The following BCL9 variants were observed in gnomAD, a reference collection of about 807,000 sequenced individuals.
BCL9 encodes B-cell CLL/lymphoma 9 protein.
BCL9 carries 25 observed loss-of-function variants against 88.5 expected under a neutral mutation model. The ratio of observed to expected loss-of-function variants is 0.28; its 90% CI spans 0.21 to 0.39. The LOEUF is 0.39. BCL9 is among the 10% of genes least tolerant of loss of function. The probability of loss-of-function intolerance (pLI) is 1.00; values close to 1 mark genes in which losing one functional copy is unlikely to be tolerated. For missense variants in BCL9, 1,817 were observed against 1,877.8 expected (o/e 0.97, Z 0.60); for synonymous variants, 711 against 673.3 (o/e 1.06, Z -0.87).
intron 1 of BCL9, among the ~76,000 whole-genome samples, chr1:147,579,866 C>T (rs979756112): frequency 2.6e-5 from 4 of 152,186 alleles, no homozygotes; most frequent in Non-Finnish European, 4.4e-5. Context: ...AGTCTACCCA[C>T]CTTCCTGACT....
At chr1:147,549,757 C>G (rs587670021) in intron 1 of BCL9, among the ~76,000 whole-genome samples, 8 of 152,296 alleles carry the variant, frequency 5.3e-5, no homozygotes, top group Admixed American at 1.3e-4. Context: ...ACTCGGAAAC[C>G]TTTTAGGTGC....
intron 1 of BCL9, among the ~76,000 whole-genome samples, chr1:147,584,767 G>A: frequency 6.6e-6 from 1 of 152,218 alleles, no homozygotes; most frequent in East Asian, 1.9e-4. Flanking sequence ...CAGGAATGCA[G>A]TAGAAGTTTA....
intron 8 of BCL9, 145 bp downstream of exon 8, chr1:147,621,202 A>G (rs1373933777): frequency 2.2e-6 from 2 of 920,886 alleles, no homozygotes; most frequent in Admixed American, 2.9e-5. Flanking sequence ...CAAGGTGCAT[A>G]ATCAGTGCTT....
intron 1 of BCL9, among the ~76,000 whole-genome samples, chr1:147,548,470 A>G (rs1445037508): frequency 6.6e-6 from 1 of 152,150 alleles, no homozygotes; most frequent in East Asian, 1.9e-4. Flanking sequence ...TCTTCTGGGA[A>G]GTTTCCTGGA....
intron 1 of BCL9, among the ~76,000 whole-genome samples, chr1:147,582,315 T>G (rs1262696803): frequency 2.0e-5 from 3 of 152,250 alleles, no homozygotes; most frequent in Non-Finnish European, 2.9e-5. Flanking sequence ...TTGTATAAAT[T>G]TCTGTCCAAG....
rs782154836 is a variant in BCL9, at chr1:147,623,870, A to G, written c.3192A>G (p.Arg1064=). The change falls in exon 10 of 10, where the codon CGA becomes CGG. Residue 1064 remains arginine (R), a synonymous_variant. Transcript: ENST00000234739. The stretch of plus-strand genomic sequence containing the variant: ...TGGGCATTAATACACAGAATCCTCG[A>G]ATTTCAGGTCCAAACCCCGTGGTTC... ...PGMGINTQNP[R]ISGPNPVVPM... 2 of 1,613,762 alleles carry G rather than the reference A, an allele frequency of 1.2e-6. No individual in the cohort carries two copies. Among genetic ancestry groups the G allele is most frequent in the African/African-American group, 2.7e-5 (2 of 74,892 alleles).
In BCL9 at chr1:147,611,622, G is replaced by C; in HGVS notation, c.-215G>C. ...ATTTTCCTCTGGCAGCAGGAGGCAC[G>C]CACCCAGAGAATGCTGGAGCTGCAA... On this transcript the variant is annotated 5_prime_UTR_variant, in exon 4 of 10. Transcript: ENST00000234739. The C allele has an allele frequency of 1.8e-6, 1 of 565,162 alleles. No individual in the cohort carries two copies. Among genetic ancestry groups the C allele is most frequent in the Non-Finnish European group, 3.2e-6 (1 of 311,106 alleles). The allele number at this position is 565,162 out of a possible 1,614,324, so 35.0% of individuals were successfully genotyped here.
In BCL9 at chr1:147,622,159, T is replaced by C. The variant is rs141247767; in HGVS notation, c.2903-112T>C. ...TTGTGTCTGGGATCTAATAACACTG[T>C]CCTGTTCATCTGTCTCATTCCTGGC... is the stretch of plus-strand genomic sequence containing the variant. On this transcript the variant is annotated intron_variant, in intron 8 of 9. Transcript: ENST00000234739. The C allele has an allele frequency of 7.8e-3, 10,914 of 1,399,560 alleles. 80 individuals carry two copies. The highest frequency in any genetic ancestry group is 0.013 in the Middle Eastern group (53 of 4,094). The allele number at this position is 1,399,560 out of a possible 1,614,324, so 86.7% of individuals were successfully genotyped here. A position where few individuals can be genotyped will look rare whatever the true frequency, so the allele number is the denominator to read the frequency against.
chr1:147,618,928 C>T lies in BCL9; in HGVS notation c.773C>T (p.Pro258Leu), dbSNP rs1269095299. The T allele has an allele frequency of 3.1e-6, 5 of 1,613,882 alleles. No homozygotes were observed. Among genetic ancestry groups the T allele is most frequent in the South Asian group, 1.1e-5 (1 of 91,072 alleles). Residue 258 changes from proline (P) to leucine (L), a missense_variant, in exon 8 of 10, where the codon CCA (proline) becomes CTA (leucine). Around this residue, in one of 2 missense-constraint regions of BCL9, gnomAD observed 1,228 missense variants for 1,191.6 expected, o/e 1.03. Transcript: ENST00000234739. ...SSQNTRLQPTPPIPAPAPKPA... is the reference protein window; with the variant it reads ...SSQNTRLQPTLPIPAPAPKPA... ...CAGAATACCAGACTGCAGCCAACTC[C>T]ACCCATTCCGGCACCAGCACCCAAG...
rs936262825 is a variant in BCL9, at chr1:147,575,068, T to C, written c.-477-29709T>C. On this transcript the variant is annotated intron_variant, in intron 1 of 9. Coordinates refer to ENST00000234739, the MANE Select transcript of BCL9 (RefSeq NM_004326.4). ...AAAAGACGAATAATAATAGCTACTG[T>C]TTATTGAGCATTTACTATGTGCTGG... Among the ~76,000 whole-genome samples the C allele has an allele frequency of 3.3e-5, 5 of 150,562 alleles. No homozygotes were observed. The East Asian group carries it at 9.6e-4, about 29-fold the overall frequency.
chr1:147,616,308 G>GACAC (rs2101615140), intron 7 of BCL9, among the ~76,000 whole-genome samples: 1 of 152,300 alleles, frequency 6.6e-6, no homozygotes. Context: ...AGTACATGAT[G>GACAC]ACAGTATCAT....
rs1570923052 is a variant in BCL9 at position 147,622,581 on chromosome 1, A to G, written c.3163+50A>G. ...TGGAGTGAGTGCTAGACCAAAGAGA[A>G]ACCTCTTGAAGCGTTTTCTCAATGG... On this transcript the variant is annotated intron_variant, in intron 9 of 9. Transcript: ENST00000234739. 1.2e-5 allele frequency: 19 copies of G among 1,605,526 alleles called. No individual in the cohort carries two copies. The East Asian group carries it at 4.2e-4, about 36-fold the overall frequency.
chr1:147,590,397 C>T (rs587644338), intron 1 of BCL9, among the ~76,000 whole-genome samples: 11 of 152,308 alleles, frequency 7.2e-5, no homozygotes, highest in African/African-American at 2.4e-4. Context: ...TTTACATTGC[C>T]CTACCTGGAT....
intron 1 of BCL9, among the ~76,000 whole-genome samples, chr1:147,543,025 C>T (rs898877372): frequency 2.6e-5 from 4 of 152,112 alleles, no homozygotes; most frequent in Admixed American, 6.6e-5. Flanking sequence ...GCTGTTTACT[C>T]GCCGGTGGTT....
chr1:147,583,081 A>C lies in BCL9; in HGVS notation c.-477-21696A>C, dbSNP rs1656439925. On this transcript the variant is annotated intron_variant, in intron 1 of 9. Transcript: ENST00000234739. ...GATGAGTTTTTCCATAAGTTCATGT[A>C]AATTTTTTTGTATTCACATTCTGTG... is the stretch of plus-strand genomic sequence containing the variant. Among the ~76,000 whole-genome samples, 2 of 152,190 alleles carry C rather than the reference A, an allele frequency of 1.3e-5. 1 individual carries two copies. The highest frequency in any genetic ancestry group is 4.1e-4 in the South Asian group (2 of 4,828).
intron 1 of BCL9, among the ~76,000 whole-genome samples, chr1:147,586,835 T>G (rs1185108021): frequency 6.6e-6 from 1 of 152,162 alleles, no homozygotes; most frequent in Non-Finnish European, 1.5e-5. Flanking sequence ...ATTTTCTGAT[T>G]GTTCCAAATG....
chr1:147,608,766 G>A (rs587652989), intron 3 of BCL9, among the ~76,000 whole-genome samples: 57 of 152,268 alleles, frequency 3.7e-4, no homozygotes, highest in African/African-American at 1.1e-3. Flanking sequence ...TAACACTGGA[G>A]TGCTTACATT....
chr1:147,583,951 CTG>C (rs1231749258), intron 1 of BCL9, among the ~76,000 whole-genome samples: 1 of 152,022 alleles, frequency 6.6e-6, no homozygotes, highest in Non-Finnish European at 1.5e-5. Flanking sequence ...GAGCGAGACT[CTG>C]TCTCAAAAAA....
intron 3 of BCL9, among the ~76,000 whole-genome samples, chr1:147,609,989 G>A (rs1432379276): frequency 6.6e-6 from 1 of 152,154 alleles, no homozygotes; most frequent in Admixed American, 6.6e-5. Context: ...GTTGTGGAGG[G>A]GGACTATATA....
Sources: gnomAD v4.1 joint callset for allele counts (sites outside exome capture counted in the v4.1 genomes callset) on GRCh38, gnomAD v4.1.1 for gene constraint, gnomAD v4.1.1 regional missense constraint, MANE v1.5 for transcripts, NCBI Gene and HGNC (gene_info 2026-07-23, HGNC 2026-07-21) for gene names.